The following NTRK2 variants were observed in gnomAD, a reference collection of about 807,000 sequenced individuals.
NTRK2 encodes the protein neurotrophic receptor tyrosine kinase 2, also known as BDNF/NT-3 growth factors receptor.
NTRK2 carries 13 observed loss-of-function variants against 94.5 expected under a neutral mutation model. The ratio of observed to expected loss-of-function variants is 0.14; its 90% confidence interval spans 0.09 to 0.22. The LOEUF (loss-of-function observed/expected upper bound fraction) is 0.22. Among genes scored for constraint, NTRK2 ranks in the 10% least tolerant of loss-of-function variants. The pLI, the probability that NTRK2 is intolerant of heterozygous loss-of-function variation, is 1.00. For synonymous variants in NTRK2, 372 were observed against 407.4 expected (o/e 0.91, Z 1.05); for missense variants, 639 against 1,071.2 (o/e 0.60, Z 5.63).
At chr9:84,672,588 T>TTG (rs1169633018) in intron 2 of NTRK2, among the ~76,000 whole-genome samples, 1 of 151,998 alleles carries the variant, frequency 6.6e-6, no homozygotes, top group Non-Finnish European at 1.5e-5. Context: ...TCAGATATTG[T>TTG]TGTGTGTGTG....
At chr9:84,718,129 T>C (rs1248812186) in intron 6 of NTRK2, among the ~76,000 whole-genome samples, 1 of 151,944 alleles carries the variant, frequency 6.6e-6, no homozygotes, top group African/African-American at 2.4e-5. Context: ...TAAATTAGAG[T>C]TCTATAAGAC....
intron 12 of NTRK2, among the ~76,000 whole-genome samples, chr9:84,774,725 C>A (rs1226418017): frequency 1.3e-5 from 2 of 152,222 alleles, no homozygotes; most frequent in East Asian, 3.8e-4. Flanking sequence ...CCATAGGAAT[C>A]TTTTAATTCT....
intron 17 of NTRK2, among the ~76,000 whole-genome samples, chr9:85,011,665 A>G (rs750979564): frequency 2.0e-5 from 3 of 152,222 alleles, no homozygotes; most frequent in Non-Finnish European, 2.9e-5. Context: ...TTCAACTTCT[A>G]GCCTCTAAAA....
chr9:84,958,913 G>A (rs1824517397), intron 17 of NTRK2, among the ~76,000 whole-genome samples: 1 of 152,116 alleles, frequency 6.6e-6, no homozygotes, highest in Admixed American at 6.5e-5. Context: ...AGCAGAAGCT[G>A]TTGATCTGTT....
chr9:84,882,495 C>T (rs1217816183), intron 14 of NTRK2, among the ~76,000 whole-genome samples: 1 of 152,164 alleles, frequency 6.6e-6, no homozygotes, highest in Admixed American at 6.5e-5. Flanking sequence ...AGCAAGTTAC[C>T]AGGCGGTCTT....
chr9:84,674,828 C>T (rs375706220), intron 2 of NTRK2, among the ~76,000 whole-genome samples: 3 of 152,264 alleles, frequency 2.0e-5, no homozygotes, highest in South Asian at 4.1e-4. Flanking sequence ...TTTTGTTACC[C>T]TGGGTAAAAC....
chr9:84,669,130 C>T (rs1468356999), upstream of NTRK2, among the ~76,000 whole-genome samples: 2 of 152,136 alleles, frequency 1.3e-5, no homozygotes, highest in Admixed American at 1.3e-4. The surrounding 1 kb of genome is among the most constrained non-coding windows in gnomAD (Gnocchi z 4.1). Flanking sequence ...ATAGGTGGCC[C>T]GGAATGGGGG....
chr9:84,774,006 C>G (rs903203140), intron 12 of NTRK2, among the ~76,000 whole-genome samples: 1 of 152,212 alleles, frequency 6.6e-6, no homozygotes, highest in Non-Finnish European at 1.5e-5. Flanking sequence ...TGCCTCAGGA[C>G]AGTCATGTCC....
chr9:84,813,447 T>C, intron 12 of NTRK2: 1 of 1,064,760 alleles, frequency 9.4e-7, no homozygotes, highest in Non-Finnish European at 1.1e-6. Context: ...TCTTAAAACA[T>C]GATCATTGTT....
rs11140726 is a variant in NTRK2, at chr9:84,671,645, A to G, written c.212+685A>G. ...GACTTCCCAGAGATATGATTTTGAG[A>G]CCACTTGGATTATAACTCTTAATTG... On this transcript the variant is annotated intron_variant, in intron 2 of 18. Transcript: ENST00000277120. 2.3e-3 allele frequency among the ~76,000 whole-genome samples: 356 copies of G among 152,318 alleles called. 4 individuals carry two copies. In the East Asian group the frequency reaches 0.043, roughly 18 times the overall value.
chr9:85,013,530 A>T (rs1831872073), intron 17 of NTRK2, among the ~76,000 whole-genome samples: 1 of 151,838 alleles, frequency 6.6e-6, no homozygotes, highest in African/African-American at 2.4e-5. Context: ...CTAACTCCTG[A>T]CCTCGTCATC....
intron 12 of NTRK2, among the ~76,000 whole-genome samples, chr9:84,774,248 G>A (rs990520883): frequency 6.6e-6 from 1 of 152,194 alleles, no homozygotes; most frequent in African/African-American, 2.4e-5. Context: ...CATGGACAAA[G>A]TCAGAAACGA....
intron 6 of NTRK2, among the ~76,000 whole-genome samples, chr9:84,716,693 A>G (rs193290557): frequency 7.9e-5 from 12 of 152,318 alleles, no homozygotes; most frequent in African/African-American, 2.9e-4. Flanking sequence ...TTATCTCCCA[A>G]ATCAAGCAAA....
chr9:84,686,735 C>T (rs1174182686), intron 2 of NTRK2, among the ~76,000 whole-genome samples: 1 of 152,182 alleles, frequency 6.6e-6, no homozygotes, highest in Non-Finnish European at 1.5e-5. Flanking sequence ...ATGAATGTTT[C>T]ATGGGGCTTC....
Position 84,962,267 on chromosome 9 carries a change from G to A in NTRK2, c.2172+6750G>A, listed in dbSNP as rs114305099. ...TCACCCATCAGCTGTCAGTGGATGT[G>A]CTTCAAAAATGTGATCTTGTAATCA... On this transcript the variant is annotated intron_variant, in intron 17 of 18. Transcript: ENST00000277120. Among the ~76,000 whole-genome samples, 760 of 152,186 alleles carry A rather than the reference G, an allele frequency of 5.0e-3. 8 individuals carry two copies. Among genetic ancestry groups the A allele is most frequent in the African/African-American group, 0.017 (711 of 41,442 alleles).
chr9:84,676,960 AGTGT>A (rs58789627), intron 2 of NTRK2, among the ~76,000 whole-genome samples: 15 of 150,092 alleles, frequency 1.0e-4, no homozygotes, highest in East Asian at 7.8e-4. Flanking sequence ...ACTGTGTGTG[AGTGT>A]GTGTGTGTGT....
intron 12 of NTRK2, among the ~76,000 whole-genome samples, chr9:84,786,386 G>A (rs193134242): frequency 6.6e-6 from 1 of 152,152 alleles, no homozygotes; most frequent in African/African-American, 2.4e-5. Context: ...CCTGTGTGTA[G>A]GGGGTGAGTG....
intron 17 of NTRK2, among the ~76,000 whole-genome samples, chr9:84,969,148 C>T (rs1825898473): frequency 6.6e-6 from 1 of 152,204 alleles, no homozygotes; most frequent in Non-Finnish European, 1.5e-5. Context: ...AGATTCCTAA[C>T]TGGCTGCTGT....
At chr9:84,909,172 G>A (rs1381837917) in intron 14 of NTRK2, among the ~76,000 whole-genome samples, 2 of 151,976 alleles carry the variant, frequency 1.3e-5, no homozygotes, top group Non-Finnish European at 2.9e-5. Flanking sequence ...AGTCATTCAG[G>A]ATGTAAACTT....
Sources: allele counts gnomAD v4.1 joint callset (sites outside exome capture counted in the v4.1 genomes callset), GRCh38; gene constraint gnomAD v4.1.1; non-coding constraint Gnocchi (gnomAD v3.1); transcripts MANE v1.5; gene names NCBI Gene and HGNC (gene_info 2026-07-23, HGNC 2026-07-21).